The following NSMAF variants were observed in gnomAD, a reference collection of about 807,000 sequenced individuals.
NSMAF encodes the protein protein FAN.
Under a neutral mutation model 134.9 loss-of-function variants are expected in NSMAF, and 90 were observed. The observed-to-expected ratio is 0.67, with a 90% CI of 0.56 to 0.79. The LOEUF (loss-of-function observed/expected upper bound fraction) is 0.79, where lower values mean the gene tolerates loss of function less well. Among genes scored for constraint, NSMAF ranks in the 30% least tolerant of loss-of-function variants. The probability of loss-of-function intolerance (pLI) is 0.00; values close to 1 mark genes in which losing one functional copy is unlikely to be tolerated. For missense variants in NSMAF, 1,010 were observed against 1,119.0 expected (o/e 0.90, Z 1.39); for synonymous variants, 358 against 389.6 (o/e 0.92, Z 0.96).
In NSMAF at chr8:58,607,762, G is replaced by T. The variant is rs752840844; in HGVS notation, c.759+7C>A. On this transcript the variant is annotated splice_region_variant and intron_variant, in intron 11 of 30. Coordinates refer to ENST00000038176, the MANE Select transcript of NSMAF (RefSeq NM_003580.4). ...TCATGCCCCAGCACAGCCTCCCAAG[G>T]ACTCACCAGAGGCATGAGGCCGTGC... The T allele has an allele frequency of 6.2e-7, 1 of 1,611,598 alleles. No individual in the cohort carries two copies. The highest frequency in any genetic ancestry group is 8.5e-7 in the Non-Finnish European group (1 of 1,177,660).
intron 10 of NSMAF, among the ~76,000 whole-genome samples, chr8:58,608,737 G>A (rs535161851): frequency 3.6e-4 from 55 of 152,200 alleles, no homozygotes; most frequent in Non-Finnish European, 6.9e-4. Flanking sequence ...AACTAGGAAA[G>A]TGAGCCCCAC....
chr8:58,590,769 C>T, intron 24 of NSMAF, 98 bp downstream of exon 24: 1 of 1,242,524 alleles, frequency 8.0e-7, no homozygotes, highest in Non-Finnish European at 1.1e-6. Flanking sequence ...CAGGAATAAA[C>T]TCAATTGTTT....
intron 6 of NSMAF, 82 bp downstream of exon 6, chr8:58,631,414 A>G: frequency 1.4e-6 from 1 of 736,044 alleles, no homozygotes; most frequent in Non-Finnish European, 2.2e-6. Context: ...ATATTTGATT[A>G]AAGATGTTAA....
Position 58,659,269 on chromosome 8 carries a change from C to T in NSMAF, c.59+304G>A, listed in dbSNP as rs749722650. The T allele has an allele frequency of 1.1e-5, 17 of 1,511,900 alleles. No individual in the cohort carries two copies. The South Asian group carries it at 1.7e-4, about 15-fold the overall frequency. The allele number at this position is 1,511,900 out of a possible 1,614,324, so 93.7% of individuals were successfully genotyped here. ...CCGCGCGGCCTTCCGGGTGAGCTGC[C>T]CGCGGCCGCCGGGACCTGCACTGCC... is the stretch of plus-strand genomic sequence containing the variant. On this transcript the variant is annotated intron_variant, in intron 1 of 30. Transcript: ENST00000038176.
At chr8:58,639,699 A>C (rs186229994) in intron 2 of NSMAF, among the ~76,000 whole-genome samples, 2 of 152,340 alleles carry the variant, frequency 1.3e-5, no homozygotes, top group Non-Finnish European at 2.9e-5. Context: ...ATTTGGGATC[A>C]ATCTAAGTGT....
chr8:58,589,431 C>G, intron 26 of NSMAF, 21 bp downstream of exon 26: 1 of 1,427,062 alleles, frequency 7.0e-7, no homozygotes, highest in Non-Finnish European at 9.2e-7. Flanking sequence ...GTTAAAAAAA[C>G]TTTTTAAATT....
intron 28 of NSMAF, 69 bp downstream of exon 28, chr8:58,586,389 T>A: frequency 7.2e-7 from 1 of 1,384,668 alleles, no homozygotes; most frequent in Non-Finnish European, 1.0e-6. Flanking sequence ...ATTTCAAAAT[T>A]AACAATATTG....
chr8:58,590,389 C>T (rs1160066103), intron 24 of NSMAF, among the ~76,000 whole-genome samples: 1 of 152,142 alleles, frequency 6.6e-6, no homozygotes, highest in Non-Finnish European at 1.5e-5. Context: ...GGGGATGATC[C>T]TCAAGAAAGA....
At position 58,631,549 on chromosome 8, in the gene NSMAF, G is replaced by C. The variant is rs765414516; in HGVS notation, c.334-3C>G. 4.8e-6 allele frequency: 7 copies of C among 1,470,540 alleles called. No individual in the cohort carries two copies. The highest frequency in any genetic ancestry group is 5.5e-6 in the Non-Finnish European group (6 of 1,082,316). The allele number at this position is 1,470,540 out of a possible 1,614,324, so 91.1% of individuals were successfully genotyped here. The stretch of plus-strand genomic sequence containing the variant: ...TTATGTTCTTTAATGAAATATACCT[G>C]AGCAAGAAAAAGCAATACTTGTAAA... On this transcript the variant is annotated splice_region_variant and splice_polypyrimidine_tract_variant and intron_variant, in intron 5 of 30. Transcript: ENST00000038176.
intron 11 of NSMAF, among the ~76,000 whole-genome samples, chr8:58,606,465 G>C (rs1806414321): frequency 1.3e-5 from 2 of 152,064 alleles, no homozygotes; most frequent in South Asian, 4.2e-4. Flanking sequence ...GCCCAGGCTA[G>C]AGTGCAATGG....
rs925452520 is a variant in NSMAF, at chr8:58,624,816, G to A, written c.385-1036C>T. ...TTCCTTACTGATGTCCTATCTGAACGTTCTACCCATTGTCGAAAGTGTGGT... is the reference window on the plus strand; with the variant it reads ...TTCCTTACTGATGTCCTATCTGAACATTCTACCCATTGTCGAAAGTGTGGT... On this transcript the variant is annotated intron_variant, in intron 6 of 30. Transcript: ENST00000038176. 3.3e-5 allele frequency among the ~76,000 whole-genome samples: 5 copies of A among 152,236 alleles called. No individual in the cohort carries two copies. In the South Asian group the frequency reaches 1.0e-3, roughly 32 times the overall value.
chr8:58,616,055 C>T (rs1363070902), intron 9 of NSMAF, among the ~76,000 whole-genome samples: 2 of 152,010 alleles, frequency 1.3e-5, no homozygotes, highest in African/African-American at 4.8e-5. Context: ...ATGAAATGGA[C>T]AATTTATTTG....
At chr8:58,608,879 C>T (rs888202909) in intron 10 of NSMAF, among the ~76,000 whole-genome samples, 8 of 152,224 alleles carry the variant, frequency 5.3e-5, no homozygotes, top group African/African-American at 1.9e-4. Flanking sequence ...TGGGCCCTGC[C>T]AAATGGCCCC....
intron 11 of NSMAF, among the ~76,000 whole-genome samples, chr8:58,607,091 A>G (rs1429367174): frequency 6.6e-6 from 1 of 152,256 alleles, no homozygotes; most frequent in Non-Finnish European, 1.5e-5. Context: ...ATAAGAATTA[A>G]AATTCCACAA....
intron 16 of NSMAF, 128 bp downstream of exon 16, chr8:58,601,153 GAATA>G (rs1474158483): frequency 2.7e-6 from 2 of 740,408 alleles, no homozygotes; most frequent in South Asian, 1.7e-5. Context: ...AGCCTGAGAG[GAATA>G]GATAGAACAA....
At chr8:58,645,314 G>C (rs998891011) in intron 1 of NSMAF, among the ~76,000 whole-genome samples, 4 of 152,206 alleles carry the variant, frequency 2.6e-5, no homozygotes, top group Non-Finnish European at 5.9e-5. Flanking sequence ...AGGCACAGTG[G>C]AGAGCAGGAT....
intron 1 of NSMAF, chr8:58,659,131 G>T: frequency 8.9e-7 from 1 of 1,119,184 alleles, no homozygotes; most frequent in Non-Finnish European, 1.1e-6. Flanking sequence ...CGCCGGCGCC[G>T]AGTGCCTGGA....
At chr8:58,645,741 C>T (rs1361149858) in intron 1 of NSMAF, among the ~76,000 whole-genome samples, 1 of 151,888 alleles carries the variant, frequency 6.6e-6, no homozygotes, top group African/African-American at 2.4e-5. Context: ...AAGAGATGCT[C>T]ATCAAAAAAA....
intron 5 of NSMAF, among the ~76,000 whole-genome samples, chr8:58,632,840 C>T (rs925577569): frequency 1.4e-4 from 22 of 152,186 alleles, no homozygotes; most frequent in African/African-American, 5.3e-4. Flanking sequence ...TGCTCCTTCC[C>T]AACTCTCTTT....
Sources: allele counts gnomAD v4.1 joint callset (sites outside exome capture counted in the v4.1 genomes callset), GRCh38; gene constraint gnomAD v4.1.1; transcripts MANE v1.5; gene names NCBI Gene and HGNC (gene_info 2026-07-23, HGNC 2026-07-21).